Variants in ITPR2 observed in about 807,000 individuals in gnomAD.
The protein encoded by ITPR2 is inositol 1,4,5-trisphosphate-gated calcium channel ITPR2.
Under a neutral mutation model 317.1 loss-of-function variants are expected in ITPR2, and 207 were observed. The ratio of observed to expected loss-of-function variants is 0.65; its 90% CI spans 0.58 to 0.73. ITPR2 has a LOEUF of 0.73. ITPR2 is among the 30% of genes least tolerant of loss of function. The probability of loss-of-function intolerance (pLI) is 0.00; values close to 1 mark genes in which losing one functional copy is unlikely to be tolerated. For missense variants in ITPR2, 2,613 were observed against 3,284.0 expected (o/e 0.80, Z 4.99); for synonymous variants, 1,156 against 1,149.1 (o/e 1.01, Z -0.12).
chr12:26,483,959 T>A, intron 41 of ITPR2, 61 bp from the exon 42 acceptor site: 1 of 1,396,364 alleles, frequency 7.2e-7, no homozygotes, highest in Non-Finnish European at 1.0e-6. Context: ...GATTGTTTGC[T>A]GTTCTTCCCA....
At chr12:26,427,600 G>T (rs558116242) in intron 49 of ITPR2, among the ~76,000 whole-genome samples, 73 of 152,128 alleles carry the variant, frequency 4.8e-4, no homozygotes, top group African/African-American at 1.6e-3. Context: ...TATTAACAAT[G>T]GCTCAGTCAT....
chr12:26,779,927 A>G (rs1328827300), intron 2 of ITPR2, among the ~76,000 whole-genome samples: 1 of 152,212 alleles, frequency 6.6e-6, no homozygotes, highest in Non-Finnish European at 1.5e-5. Context: ...GGCCTCTCTG[A>G]GTGGTCAAAA....
At chr12:26,591,568 G>A (rs537219879) in intron 32 of ITPR2, among the ~76,000 whole-genome samples, 2 of 152,074 alleles carry the variant, frequency 1.3e-5, no homozygotes, top group African/African-American at 2.4e-5. Context: ...AGAGGCTCAC[G>A]CCTGTAATCC....
chr12:26,743,281 C>T (rs1949266957), intron 2 of ITPR2, among the ~76,000 whole-genome samples: 1 of 151,928 alleles, frequency 6.6e-6, no homozygotes, highest in Non-Finnish European at 1.5e-5. Context: ...GGAACCTCTG[C>T]AGGGCTGTAA....
chr12:26,675,913 T>A (rs1045475133), intron 13 of ITPR2, among the ~76,000 whole-genome samples: 2 of 152,140 alleles, frequency 1.3e-5, no homozygotes, highest in Admixed American at 6.5e-5. Context: ...ATCCCAGCAC[T>A]TTGGGAGGCA....
chr12:26,427,814 A>T, intron 49 of ITPR2, 99 bp downstream of exon 49: 1 of 679,394 alleles, frequency 1.5e-6, no homozygotes, highest in South Asian at 7.3e-5. Context: ...ATTAGAATTC[A>T]CCATGCATAC....
At chr12:26,491,529 G>A (rs56349538) in intron 39 of ITPR2, among the ~76,000 whole-genome samples, 10,772 of 149,282 alleles carry the variant, frequency 0.072, 503 homozygotes, top group Non-Finnish European at 0.094. Context: ...AAGGCAACAC[G>A]GAGAATGATT....
Position 26,691,745 on chromosome 12 carries a change from G to A in ITPR2, c.996+3861C>T, listed in dbSNP as rs969374899. ...ATCAAATTTTTAGCACAGACATCACGTTGCAATTCTGTTGTTGGGAGCCAG... is the reference window on the plus strand; with the variant it reads ...ATCAAATTTTTAGCACAGACATCACATTGCAATTCTGTTGTTGGGAGCCAG... On this transcript the variant is annotated intron_variant, in intron 10 of 56. Coordinates refer to ENST00000381340, the MANE Select transcript of ITPR2 (RefSeq NM_002223.4). Among the ~76,000 whole-genome samples, 11 of 152,006 alleles carry A rather than the reference G, an allele frequency of 7.2e-5. No homozygotes were observed. In the South Asian group the frequency reaches 8.4e-4, roughly 12 times the overall value.
At chr12:26,716,111 G>T in intron 6 of ITPR2, 33 bp downstream of exon 6, 1 of 1,365,300 alleles carries the variant, frequency 7.3e-7, no homozygotes, top group South Asian at 1.2e-5. Flanking sequence ...TGAGAAAAAT[G>T]AACACATTCA....
chr12:26,422,424 A>G (rs10842729), intron 49 of ITPR2, among the ~76,000 whole-genome samples: 77,760 of 151,896 alleles, frequency 0.51, 20,746 homozygotes, highest in Non-Finnish European at 0.6. Context: ...TTTGCAGGAC[A>G]TTTAACAGTA....
intron 21 of ITPR2, among the ~76,000 whole-genome samples, chr12:26,632,781 T>A (rs1267289114): frequency 6.6e-6 from 1 of 152,216 alleles, no homozygotes; most frequent in African/African-American, 2.4e-5. Flanking sequence ...TTTCCGTCTC[T>A]TTCTGAATTT....
At chr12:26,693,761 T>C (rs1459957165) in intron 10 of ITPR2, among the ~76,000 whole-genome samples, 2 of 152,180 alleles carry the variant, frequency 1.3e-5, no homozygotes, top group East Asian at 1.9e-4. Flanking sequence ...TCACCGAATA[T>C]TATGTAGTAG....
chr12:26,723,447 G>C (rs932655974), intron 4 of ITPR2, among the ~76,000 whole-genome samples: 1 of 152,040 alleles, frequency 6.6e-6, no homozygotes, highest in Non-Finnish European at 1.5e-5. Context: ...CCTGCGCTTC[G>C]GGTACTTGAC....
chr12:26,500,603 C>G (rs1485775430), intron 37 of ITPR2, among the ~76,000 whole-genome samples: 1 of 152,146 alleles, frequency 6.6e-6, no homozygotes, highest in East Asian at 1.9e-4. Context: ...AACTAACAAC[C>G]ACCTTCTGAA....
At chr12:26,675,789 A>G (rs1947894506) in intron 13 of ITPR2, among the ~76,000 whole-genome samples, 1 of 152,268 alleles carries the variant, frequency 6.6e-6, no homozygotes, top group Admixed American at 6.5e-5. Flanking sequence ...AAGAGATGCT[A>G]GAAAATAATT....
At chr12:26,365,447 A>G (rs1938980024) in intron 55 of ITPR2, among the ~76,000 whole-genome samples, 1 of 152,134 alleles carries the variant, frequency 6.6e-6, no homozygotes, top group African/African-American at 2.4e-5. Flanking sequence ...CTCATGACAC[A>G]GGAGTTCAGA....
chr12:26,663,152 T>C (rs1372581548), intron 15 of ITPR2, among the ~76,000 whole-genome samples: 1 of 152,162 alleles, frequency 6.6e-6, no homozygotes, highest in South Asian at 2.1e-4. Context: ...AAATACCTCT[T>C]CCCATACAAT....
intron 3 of ITPR2, among the ~76,000 whole-genome samples, chr12:26,725,341 T>C (rs1948902065): frequency 6.6e-6 from 1 of 152,190 alleles, no homozygotes; most frequent in African/African-American, 2.4e-5. Context: ...TCAAGGATTA[T>C]GTCAAGTAAA....
chr12:26,350,206 C>CA (rs937279382), intron 55 of ITPR2, among the ~76,000 whole-genome samples: 1 of 151,512 alleles, frequency 6.6e-6, no homozygotes, highest in African/African-American at 2.4e-5. Context: ...CCCCCTCTGC[C>CA]AAAAAAAGGA....
Sources: gnomAD v4.1 joint callset for allele counts (sites outside exome capture counted in the v4.1 genomes callset) on GRCh38, gnomAD v4.1.1 for gene constraint, MANE v1.5 for transcripts, NCBI Gene and HGNC (gene_info 2026-07-23, HGNC 2026-07-21) for gene names.